The following PRH1 variants were observed in gnomAD, a reference collection of about 807,000 sequenced individuals.
PRH1 encodes salivary acidic proline-rich phosphoprotein 1/2.
Under a neutral mutation model 7.9 loss-of-function variants are expected in PRH1, and 7 were observed. The observed-to-expected ratio is 0.89, with a 90% CI of 0.50 to 1.67. The LOEUF (loss-of-function observed/expected upper bound fraction) is 1.67, where lower values mean the gene tolerates loss of function less well. Ranked by LOEUF, PRH1 falls within the 40% of genes most tolerant of loss-of-function variation. The pLI is 0.00. For missense variants in PRH1, 109 were observed against 223.6 expected (o/e 0.49, Z 3.27); for synonymous variants, 45 against 80.8 (o/e 0.56, Z 2.38).
At chr12:11,149,880 G>A (rs1947008356) in intron 1 of PRH1, among the ~76,000 whole-genome samples, 1 of 137,502 alleles carries the variant, frequency 7.3e-6, no homozygotes, top group Non-Finnish European at 1.6e-5. Context: ...GAGTGAACAG[G>A]CAACCTACAG....
At chr12:10,891,770 G>T (rs1281492143) in intron 2 of PRH1, 3 of 152,222 alleles carry the variant, frequency 2.0e-5, no homozygotes, top group African/African-American at 7.2e-5. Context: ...GGGATAAGAT[G>T]AGAAACTGAT....
chr12:11,043,116 A>G (rs1473214979), intron 1 of PRH1, among the ~76,000 whole-genome samples: 1 of 152,208 alleles, frequency 6.6e-6, no homozygotes. Flanking sequence ...TTTATCCCTG[A>G]GATGCAAGGG....
intron 2 of PRH1, among the ~76,000 whole-genome samples, chr12:10,958,438 G>C (rs768394553): frequency 6.6e-6 from 1 of 152,018 alleles, no homozygotes; most frequent in Non-Finnish European, 1.5e-5. Flanking sequence ...AGATAAAAGA[G>C]ATACCTATCA....
intron 1 of PRH1, among the ~76,000 whole-genome samples, chr12:11,122,286 A>G (rs1945934936): frequency 6.6e-6 from 1 of 152,252 alleles, no homozygotes; most frequent in African/African-American, 2.4e-5. Context: ...CCACTGCCTG[A>G]TCTAGCCTAA....
rs576878684 is a variant in PRH1, at chr12:10,924,136, T to C, written c.-58-39861A>G. 2.1e-4 allele frequency among the ~76,000 whole-genome samples: 32 copies of C among 151,464 alleles called. 1 individual carries two copies. Among genetic ancestry groups the C allele is most frequent in the African/African-American group, 6.8e-4 (28 of 41,304 alleles). On this transcript the variant is annotated intron_variant, in intron 2 of 3. Coordinates refer to the PRH1 transcript ENST00000539853. Reference sequence around the variant, plus strand: ...CCGAGTAGCTGGGACTACAGGCGCCTGCCACCACGCCCAGCTAATTTTTTG... The same window carrying C: ...CCGAGTAGCTGGGACTACAGGCGCCCGCCACCACGCCCAGCTAATTTTTTG...
intron 1 of PRH1, among the ~76,000 whole-genome samples, chr12:11,071,992 T>A (rs948373069): frequency 6.6e-6 from 1 of 152,020 alleles, no homozygotes; most frequent in East Asian, 1.9e-4. Flanking sequence ...TTCATTACTT[T>A]TGAACCAGGC....
intron 1 of PRH1, among the ~76,000 whole-genome samples, chr12:11,088,087 T>C (rs866977859): frequency 3.9e-5 from 5 of 128,726 alleles, no homozygotes. Flanking sequence ...ATGACTGTAA[T>C]GCCATCATTT....
intron 2 of PRH1, among the ~76,000 whole-genome samples, chr12:10,913,520 A>G (rs1258951974): frequency 6.6e-6 from 1 of 152,084 alleles, no homozygotes; most frequent in Non-Finnish European, 1.5e-5. Flanking sequence ...TTAGTGTTTT[A>G]TGGTGTGATT....
chr12:11,033,770 C>T lies in PRH1; in HGVS notation c.-126+13250G>A, dbSNP rs572312171. ...TATTTCCCTTCAGTATATAATGAGA[C>T]GAGTAATAATAATTTCTATGAGATA... is the stretch of plus-strand genomic sequence containing the variant. On this transcript the variant is annotated intron_variant, in intron 1 of 3. Transcript: ENST00000539853. 9.9e-5 allele frequency among the ~76,000 whole-genome samples: 15 copies of T among 152,002 alleles called. No individual in the cohort carries two copies. In the South Asian group the frequency reaches 1.5e-3, roughly 15 times the overall value.
chr12:11,153,329 G>A (rs1303658763), intron 1 of PRH1, among the ~76,000 whole-genome samples: 1 of 152,154 alleles, frequency 6.6e-6, no homozygotes, highest in African/African-American at 2.4e-5. Context: ...TATAGCAGAA[G>A]TACTAAAATT....
chr12:11,038,231 CAT>C (rs1942528593), intron 1 of PRH1, among the ~76,000 whole-genome samples: 1 of 152,104 alleles, frequency 6.6e-6, no homozygotes, highest in African/African-American at 2.4e-5. Flanking sequence ...TGGAGCATAA[CAT>C]ACACATAGAG....
At chr12:11,073,257 T>G (rs369544503) in intron 1 of PRH1, among the ~76,000 whole-genome samples, 3,517 of 80,604 alleles carry the variant, frequency 0.044, 85 homozygotes, top group Non-Finnish European at 0.053. Context: ...TCAGCCTCCT[T>G]ACTAGCTGTA....
chr12:11,132,591 C>A (rs1293921407), intron 1 of PRH1, among the ~76,000 whole-genome samples: 3 of 63,230 alleles, frequency 4.7e-5, no homozygotes, highest in African/African-American at 1.3e-4. Context: ...ATTTTTCATC[C>A]CTCTTATAGC....
At chr12:11,001,912 T>G (rs1940613978) in intron 1 of PRH1, among the ~76,000 whole-genome samples, 1 of 152,144 alleles carries the variant, frequency 6.6e-6, no homozygotes, top group Non-Finnish European at 1.5e-5. Context: ...AAATAAAACC[T>G]TCACTTTAGA....
intron 1 of PRH1, among the ~76,000 whole-genome samples, chr12:11,071,307 G>A (rs1453700508): frequency 4.6e-5 from 7 of 151,950 alleles, no homozygotes; most frequent in Non-Finnish European, 8.8e-5. Context: ...CTTTTATAAT[G>A]TATTTCTGCA....
At position 10,922,826 on chromosome 12, in the gene PRH1, T is replaced by TTTTTTTTTTTG. The variant is rs1282238287; in HGVS notation, c.-58-38552_-58-38551insCAAAAAAAAAA. On this transcript the variant is annotated intron_variant, in intron 2 of 3. Coordinates refer to the PRH1 transcript ENST00000539853. ...TTGCATCTTTTCCATGAATTTTTTC[T>TTTTTTTTTTTG]TTTTCTTTTTTTTGAGACGGAGTCT... 1.8e-3 allele frequency among the ~76,000 whole-genome samples: 2 copies of TTTTTTTTTTTG among 1,086 alleles called. 1 individual carries two copies. The highest frequency in any genetic ancestry group is 0.062 in the Non-Finnish European group (2 of 32). 0.7% of individuals were successfully genotyped at this position (1,086 alleles called of 152,430 possible). A position where few individuals can be genotyped will look rare whatever the true frequency, so the allele number is the denominator to read the frequency against.
downstream of PRH1, among the ~76,000 whole-genome samples, chr12:11,120,535 C>T (rs1318155336): frequency 6.6e-6 from 1 of 152,136 alleles, no homozygotes; most frequent in East Asian, 1.9e-4. Flanking sequence ...GCCTGGTGCA[C>T]ACTAGGGCCA....
intron 2 of PRH1, among the ~76,000 whole-genome samples, chr12:10,941,153 G>T (rs541955592): frequency 2.6e-5 from 4 of 152,076 alleles, no homozygotes; most frequent in Non-Finnish European, 4.4e-5. Context: ...TTGTGTGGTG[G>T]GTTCTGTTGA....
chr12:11,030,327 A>G (rs1268502825), intron 1 of PRH1: 3 of 830,476 alleles, frequency 3.6e-6, no homozygotes, highest in African/African-American at 2.6e-5. Flanking sequence ...GTATAGAAAA[A>G]CCAGTAAGAA....
Sources: gnomAD v4.1 joint callset for allele counts (sites outside exome capture counted in the v4.1 genomes callset) on GRCh38, gnomAD v4.1.1 for gene constraint, MANE v1.5 for transcripts, NCBI Gene and HGNC (gene_info 2026-07-23, HGNC 2026-07-21) for gene names.